SLC24A2: variants seen among roughly 807,000 people sequenced by gnomAD.
SLC24A2 encodes the protein solute carrier family 24 member 2, also known as sodium/potassium/calcium exchanger 2.
Under a neutral mutation model 62.0 loss-of-function variants are expected in SLC24A2, and 36 were observed. The observed-to-expected ratio is 0.58, with a 90% CI of 0.44 to 0.77. The LOEUF (loss-of-function observed/expected upper bound fraction) is 0.77. SLC24A2 is among the 30% of genes least tolerant of loss of function. SLC24A2 has a pLI of 0.00. For synonymous variants in SLC24A2, 358 were observed against 294.0 expected (o/e 1.22, Z -2.23); for missense variants, 846 against 817.9 (o/e 1.03, Z -0.42).
At chr9:20,169,438 A>G in the SLC24A2 span, among the ~76,000 whole-genome samples, 1 of 151,984 alleles carries the variant, frequency 6.6e-6, no homozygotes, top group African/African-American at 2.4e-5. Context: ...CTCCTGCAGG[A>G]CCCAGGAGAC....
chr9:20,170,458 T>C, the SLC24A2 span, among the ~76,000 whole-genome samples: 9 of 152,014 alleles, frequency 5.9e-5, no homozygotes, highest in East Asian at 1.9e-4. Context: ...GCTGAGCCGA[T>C]TGGCTACTTG....
At chr9:20,306,355 G>T in the SLC24A2 span, among the ~76,000 whole-genome samples, 2 of 152,336 alleles carry the variant, frequency 1.3e-5, no homozygotes, top group South Asian at 4.1e-4. Flanking sequence ...TGCAAGGCAA[G>T]GCCCAAAGCA....
rs117253022 is a variant in SLC24A2, at chr9:19,712,306, G to A, written c.930+73631C>T. Reference sequence around the variant, plus strand: ...CATGAGTCTAGTAATGACCACACTCGAGAACTCTATTCCAGAACTTTAGTG... The same window carrying A: ...CATGAGTCTAGTAATGACCACACTCAAGAACTCTATTCCAGAACTTTAGTG... On this transcript the variant is annotated intron_variant, in intron 2 of 10. Transcript: ENST00000341998. 5.1e-4 allele frequency among the ~76,000 whole-genome samples: 77 copies of A among 152,282 alleles called. No homozygotes were observed. In the East Asian group the frequency reaches 6.4e-3, roughly 13 times the overall value.
At chr9:20,140,147 GAATTT>G in the SLC24A2 span, among the ~76,000 whole-genome samples, 45 of 152,300 alleles carry the variant, frequency 3.0e-4, no homozygotes, top group Admixed American at 1.6e-3. Context: ...TGTTTGTTTA[GAATTT>G]AATTTGATTC....
At chr9:19,976,172 C>T in the SLC24A2 span, among the ~76,000 whole-genome samples, 3 of 152,152 alleles carry the variant, frequency 2.0e-5, no homozygotes, top group Non-Finnish European at 4.4e-5. Flanking sequence ...GCATGAGCCA[C>T]TAAGCCCAGT....
At chr9:20,257,090 G>C in the SLC24A2 span, among the ~76,000 whole-genome samples, 1 of 152,244 alleles carries the variant, frequency 6.6e-6, no homozygotes, top group East Asian at 1.9e-4. Context: ...GTGTAAATGA[G>C]AGGCACTATC....
chr9:20,086,623 C>T, the SLC24A2 span, among the ~76,000 whole-genome samples: 6 of 152,092 alleles, frequency 3.9e-5, no homozygotes, highest in African/African-American at 1.2e-4. Flanking sequence ...TTGTTTTTAT[C>T]GTCACAGTCT....
the SLC24A2 span, among the ~76,000 whole-genome samples, chr9:19,917,497 T>C: frequency 3.3e-5 from 5 of 151,936 alleles, no homozygotes; most frequent in South Asian, 6.2e-4. Flanking sequence ...TTTACAGTAT[T>C]CATTTACCCA....
rs982498535 is a variant in SLC24A2, at chr9:19,542,232, T to C, written c.1479+7905A>G. The stretch of plus-strand genomic sequence containing the variant: ...TATTCGGCCATCTTGGCTCCTCCCT[T>C]CTCTCTGTTTGTCTTTTATTGGTGT... On this transcript the variant is annotated intron_variant, in intron 8 of 10. Coordinates refer to ENST00000341998, the MANE Select transcript of SLC24A2 (RefSeq NM_020344.4). 3.3e-5 allele frequency among the ~76,000 whole-genome samples: 5 copies of C among 152,084 alleles called. No individual in the cohort carries two copies. The East Asian group carries it at 7.7e-4, about 23-fold the overall frequency.
intron 2 of SLC24A2, among the ~76,000 whole-genome samples, chr9:19,757,479 T>C (rs990880219): frequency 2.0e-5 from 3 of 152,176 alleles, no homozygotes; most frequent in Non-Finnish European, 4.4e-5. Context: ...TCACCTAAAA[T>C]TCTAGAAGGC....
the SLC24A2 span, among the ~76,000 whole-genome samples, chr9:19,845,284 A>G: frequency 6.6e-6 from 1 of 152,044 alleles, no homozygotes; most frequent in Non-Finnish European, 1.5e-5. Flanking sequence ...GCTATTATAC[A>G]TTGGATTGTA....
rs542526031 is a variant in SLC24A2, at chr9:19,510,538, G to T, written c.*5615C>A. 1 of 151,962 alleles carries T rather than the reference G, an allele frequency of 6.6e-6. No homozygotes were observed. The highest frequency in any genetic ancestry group is 1.5e-5 in the Non-Finnish European group (1 of 67,998). The allele number at this position is 151,962 out of a possible 1,614,324, so 9.4% of individuals were successfully genotyped here. ...GATGCTGATGGTTGTTAATCATTGA[G>T]CTGGGTCACACCAGCATCTATGCTG... On this transcript the variant is annotated 3_prime_UTR_variant, in exon 11 of 11. Coordinates refer to ENST00000341998, the MANE Select transcript of SLC24A2 (RefSeq NM_020344.4).
At position 19,774,370 on chromosome 9, in the gene SLC24A2, C is replaced by A. The variant is rs1254251469; in HGVS notation, c.930+11567G>T. Among the ~76,000 whole-genome samples, 4 of 152,264 alleles carry A rather than the reference C, an allele frequency of 2.6e-5. No individual in the cohort carries two copies. The East Asian group carries it at 7.7e-4, about 29-fold the overall frequency. On this transcript the variant is annotated intron_variant, in intron 2 of 10. Transcript: ENST00000341998. ...TCCAAGATCACACAGCTAGGAAGGT[C>A]TATCCAAAATAATCTCTGTCCTAGG...
At chr9:19,918,259 A>C in the SLC24A2 span, among the ~76,000 whole-genome samples, 2 of 151,826 alleles carry the variant, frequency 1.3e-5, no homozygotes, top group East Asian at 3.9e-4. Flanking sequence ...GCGTTTATTT[A>C]AGTTGGTGCT....
rs550794164 is a variant in SLC24A2 at position 19,707,079 on chromosome 9, C to G, written c.930+78858G>C. Among the ~76,000 whole-genome samples the G allele has an allele frequency of 4.8e-3, 735 of 151,800 alleles. 4 individuals carry two copies. The highest frequency in any genetic ancestry group is 0.017 in the African/African-American group (693 of 41,286). ...TAAAAAATGACAAAGGGGATATCAC[C>G]ACCGATCCCACAGAAATACAAACTA... is the stretch of plus-strand genomic sequence containing the variant. On this transcript the variant is annotated intron_variant, in intron 2 of 10. Coordinates refer to ENST00000341998, the MANE Select transcript of SLC24A2 (RefSeq NM_020344.4).
the SLC24A2 span, among the ~76,000 whole-genome samples, chr9:19,845,515 T>G: frequency 6.6e-6 from 1 of 152,110 alleles, no homozygotes; most frequent in Non-Finnish European, 1.5e-5. Context: ...TGCAGTCTAT[T>G]GATTTTATTT....
the SLC24A2 span, among the ~76,000 whole-genome samples, chr9:20,164,809 A>C: frequency 1.3e-5 from 2 of 151,762 alleles, no homozygotes; most frequent in African/African-American, 4.8e-5. Flanking sequence ...CAGCCATAAA[A>C]AATGATGAGT....
At chr9:19,946,936 A>G in the SLC24A2 span, among the ~76,000 whole-genome samples, 24 of 146,234 alleles carry the variant, frequency 1.6e-4, no homozygotes, top group African/African-American at 6.4e-4. Context: ...TTCTAATGTA[A>G]AAAAAATTCA....
At chr9:19,868,923 ACT>A in the SLC24A2 span, among the ~76,000 whole-genome samples, 1 of 150,400 alleles carries the variant, frequency 6.6e-6, no homozygotes, top group African/African-American at 2.5e-5. Flanking sequence ...CTAGTCTGAT[ACT>A]CTCTGCTTTT....
Sources: gnomAD v4.1 joint callset for allele counts (sites outside exome capture counted in the v4.1 genomes callset) on GRCh38, gnomAD v4.1.1 for gene constraint, MANE v1.5 for transcripts, NCBI Gene and HGNC (gene_info 2026-07-23, HGNC 2026-07-21) for gene names.